The following ASIC2 variants were observed in gnomAD, a reference collection of about 807,000 sequenced individuals.
ASIC2 encodes acid sensing ion channel subunit 2, also known as acid-sensing ion channel 2.
ASIC2 carries 25 observed loss-of-function variants against 57.3 expected under a neutral mutation model. The observed-to-expected ratio is 0.44, with a 90% CI of 0.32 to 0.61. The LOEUF is 0.61. Among genes scored for constraint, ASIC2 ranks in the 20% least tolerant of loss-of-function variants. ASIC2 has a pLI of 0.06. For synonymous variants in ASIC2, 319 were observed against 307.5 expected (o/e 1.04, Z -0.39); for missense variants, 641 against 738.1 (o/e 0.87, Z 1.52).
chr17:33,050,862 C>A (rs1190420132), intron 3 of ASIC2, among the ~76,000 whole-genome samples: 4 of 151,970 alleles, frequency 2.6e-5, no homozygotes, highest in Admixed American at 6.6e-5. Flanking sequence ...GGACTGACAC[C>A]CTCTGGTCCT....
intron 1 of ASIC2, among the ~76,000 whole-genome samples, chr17:33,891,516 T>C (rs1050262654): frequency 3.3e-5 from 5 of 152,134 alleles, no homozygotes; most frequent in African/African-American, 1.2e-4. Flanking sequence ...CATAACATTT[T>C]CTCCTTGGCA....
intron 1 of ASIC2, among the ~76,000 whole-genome samples, chr17:33,868,726 T>C (rs1914311375): frequency 1.3e-5 from 2 of 152,106 alleles, no homozygotes; most frequent in African/African-American, 4.8e-5. Flanking sequence ...ATCCCAAATA[T>C]ATAAGGAACT....
intron 1 of ASIC2, among the ~76,000 whole-genome samples, chr17:33,285,389 T>A (rs1367121358): frequency 6.6e-6 from 1 of 152,232 alleles, no homozygotes; most frequent in Non-Finnish European, 1.5e-5. Flanking sequence ...ACTTGTACAT[T>A]TCCCCCCTTA....
chr17:33,638,290 T>C (rs1906436849), intron 1 of ASIC2, among the ~76,000 whole-genome samples: 3 of 152,204 alleles, frequency 2.0e-5, no homozygotes, highest in Admixed American at 2.0e-4. Context: ...GAAGGGCTAG[T>C]CTCATCCTTG....
At chr17:33,189,628 G>A (rs1906335016) in intron 1 of ASIC2, among the ~76,000 whole-genome samples, 1 of 152,136 alleles carries the variant, frequency 6.6e-6, no homozygotes, top group African/African-American at 2.4e-5. Context: ...TAAAAAAGAA[G>A]CCTGGAGTGG....
intron 1 of ASIC2, among the ~76,000 whole-genome samples, chr17:33,491,302 C>G (rs1249104840): frequency 6.6e-6 from 1 of 152,182 alleles, no homozygotes; most frequent in Non-Finnish European, 1.5e-5. Context: ...CCCCTCGGCT[C>G]TAACATGATG....
intron 1 of ASIC2, among the ~76,000 whole-genome samples, chr17:34,008,967 C>G (rs1597971859): frequency 1.3e-5 from 2 of 152,168 alleles, no homozygotes; most frequent in South Asian, 4.1e-4. Context: ...TTGGATTTAG[C>G]CTCAAATTTA....
chr17:33,598,810 G>T (rs927674873), intron 1 of ASIC2, among the ~76,000 whole-genome samples: 1 of 152,226 alleles, frequency 6.6e-6, no homozygotes, highest in Non-Finnish European at 1.5e-5. Flanking sequence ...AAAGAAGGGG[G>T]ACAAGAAAGA....
At chr17:33,264,447 G>A (rs2142148851) in intron 1 of ASIC2, among the ~76,000 whole-genome samples, 1 of 152,334 alleles carries the variant, frequency 6.6e-6, no homozygotes, top group East Asian at 1.9e-4. Context: ...GAGAGGTGAA[G>A]CAAATTGCCC....
chr17:33,210,792 C>T (rs58056032), intron 1 of ASIC2, among the ~76,000 whole-genome samples: 1 of 152,184 alleles, frequency 6.6e-6, no homozygotes, highest in African/African-American at 2.4e-5. Context: ...TATATACCCT[C>T]CCAGGAATTC....
rs115102853 is a variant in ASIC2, at chr17:33,691,274, G to A, written c.555+464704C>T. On this transcript the variant is annotated intron_variant, in intron 1 of 9. Coordinates refer to the ASIC2 transcript ENST00000359872. ...TTGCTGGTTAAAACAGCATGTGCACGTATAATTTTGATGGAAATTGATTGA... is the reference window on the plus strand; with the variant it reads ...TTGCTGGTTAAAACAGCATGTGCACATATAATTTTGATGGAAATTGATTGA... 9.8e-3 allele frequency among the ~76,000 whole-genome samples: 1,487 copies of A among 152,278 alleles called. 22 individuals carry two copies. The highest frequency in any genetic ancestry group is 0.033 in the African/African-American group (1,353 of 41,552).
intron 1 of ASIC2, among the ~76,000 whole-genome samples, chr17:34,153,336 G>A (rs927156366): frequency 6.6e-6 from 1 of 152,176 alleles, no homozygotes; most frequent in African/African-American, 2.4e-5. Context: ...CCTAGATAGA[G>A]CCTCAAAAAT....
intron 1 of ASIC2, among the ~76,000 whole-genome samples, chr17:33,621,979 C>A (rs929609817): frequency 3.9e-5 from 6 of 152,030 alleles, no homozygotes; most frequent in Non-Finnish European, 7.4e-5. Flanking sequence ...TAGAACAGAA[C>A]CTGAACTGCT....
rs376810359 is a variant in ASIC2, at chr17:33,137,648, G to C, written c.709-25581C>G. Among the ~76,000 whole-genome samples the C allele has an allele frequency of 1.4e-3, 216 of 152,290 alleles. 2 individuals carry two copies. Among genetic ancestry groups the C allele is most frequent in the Admixed American group, 6.5e-4 (10 of 15,292 alleles). On this transcript the variant is annotated intron_variant, in intron 1 of 9. Coordinates refer to ENST00000225823, the MANE Select transcript of ASIC2 (RefSeq NM_183377.2). Reference sequence around the variant, plus strand: ...TACTCTTGGAGTGTTGCCATCCCAGGAGTTTTGGCCTGCTCAGTGCTTACA... The same window carrying C: ...TACTCTTGGAGTGTTGCCATCCCAGCAGTTTTGGCCTGCTCAGTGCTTACA...
chr17:33,021,179 C>A, intron 7 of ASIC2, 40 bp downstream of exon 7: 1 of 914,046 alleles, frequency 1.1e-6, no homozygotes, highest in Non-Finnish European at 1.8e-6. Flanking sequence ...CTCCCACCCT[C>A]TATGAGATGT....
rs572562966 is a variant in ASIC2, at chr17:33,893,294, C to T, written c.555+262684G>A. 7.0e-4 allele frequency among the ~76,000 whole-genome samples: 106 copies of T among 152,262 alleles called. 2 individuals carry two copies. The South Asian group carries it at 0.021, about 31-fold the overall frequency. On this transcript the variant is annotated intron_variant, in intron 1 of 9. Transcript: ENST00000359872. ...GTGCTGCCACATGGTGCTTGCAGGA[C>T]CACTTCCTTTATGAGGAGCTGTAAT... is the stretch of plus-strand genomic sequence containing the variant.
intron 1 of ASIC2, among the ~76,000 whole-genome samples, chr17:33,615,481 T>C (rs1225933471): frequency 6.6e-6 from 1 of 152,184 alleles, no homozygotes; most frequent in Non-Finnish European, 1.5e-5. Context: ...AACCAAGATA[T>C]TTATGTGATA....
chr17:33,022,333 A>T (rs2091839601), intron 6 of ASIC2, among the ~76,000 whole-genome samples: 1 of 152,184 alleles, frequency 6.6e-6, no homozygotes, highest in African/African-American at 2.4e-5. Flanking sequence ...GCTGCATTTC[A>T]AATGCTCGTT....
chr17:33,118,750 G>T (rs543978429), intron 1 of ASIC2, among the ~76,000 whole-genome samples: 5 of 152,288 alleles, frequency 3.3e-5, no homozygotes, highest in Admixed American at 1.3e-4. Flanking sequence ...GGAGAGTAGA[G>T]ATCTGACCTG....
Sources: allele counts gnomAD v4.1 joint callset (sites outside exome capture counted in the v4.1 genomes callset), GRCh38; gene constraint gnomAD v4.1.1; transcripts MANE v1.5; gene names NCBI Gene and HGNC (gene_info 2026-07-23, HGNC 2026-07-21).